The following ZFAND3 variants were observed in gnomAD, a reference collection of about 807,000 sequenced individuals.
ZFAND3 encodes the protein zinc finger AN1-type containing 3.
ZFAND3 carries 10 observed loss-of-function variants against 29.6 expected under a neutral mutation model. The ratio of observed to expected loss-of-function variants is 0.34; its 90% CI spans 0.21 to 0.57. The LOEUF (loss-of-function observed/expected upper bound fraction) is 0.57, where lower values mean the gene tolerates loss of function less well. Ranked by LOEUF, ZFAND3 falls within the 20% of genes least tolerant of loss-of-function variation. The pLI, the probability that ZFAND3 is intolerant of heterozygous loss-of-function variation, is 0.86. For missense variants in ZFAND3, 230 were observed against 304.5 expected (o/e 0.76, Z 1.82); for synonymous variants, 128 against 112.6 (o/e 1.14, Z -0.87).
chr6:38,032,400 G>A (rs1235562279), intron 2 of ZFAND3, among the ~76,000 whole-genome samples: 2 of 152,178 alleles, frequency 1.3e-5, no homozygotes, highest in African/African-American at 4.8e-5. Flanking sequence ...TTTTTGTCAA[G>A]TCTTTGAGAC....
rs143885934 is a variant in ZFAND3, at chr6:37,994,826, A to T, written c.112+64827A>T. Among the ~76,000 whole-genome samples the T allele has an allele frequency of 6.3e-3, 958 of 152,308 alleles. 6 individuals are homozygous for T. The highest frequency in any genetic ancestry group is 0.017 in the Middle Eastern group (5 of 294). ...GTGCTGTTGTGTGTTTTGTAAACAA[A>T]CATTCATCTTTAGTGGCTAGATATC... On this transcript the variant is annotated intron_variant, in intron 2 of 5. Transcript: ENST00000287218.
At chr6:38,020,354 A>C (rs948838487) in intron 2 of ZFAND3, among the ~76,000 whole-genome samples, 7 of 152,200 alleles carry the variant, frequency 4.6e-5, no homozygotes, top group African/African-American at 1.7e-4. Context: ...GATAATTAAA[A>C]ATTTTTTTTT....
intron 1 of ZFAND3, among the ~76,000 whole-genome samples, chr6:37,860,117 C>T (rs1158736900): frequency 4.0e-5 from 6 of 150,258 alleles, no homozygotes; most frequent in Admixed American, 6.6e-5. Context: ...GTGATCCACC[C>T]GCCTCGGCCT....
chr6:37,899,526 T>C (rs1462946224), intron 1 of ZFAND3, among the ~76,000 whole-genome samples: 1 of 152,200 alleles, frequency 6.6e-6, no homozygotes, highest in African/African-American at 2.4e-5. Context: ...GCTTTAATGA[T>C]CCGAAGTTAT....
Position 37,963,786 on chromosome 6 carries a change from A to G in ZFAND3, c.112+33787A>G, listed in dbSNP as rs756625299. 1.3e-4 allele frequency among the ~76,000 whole-genome samples: 20 copies of G among 152,240 alleles called. No individual in the cohort carries two copies. In the South Asian group the frequency reaches 1.5e-3, roughly 11 times the overall value. ...TCAATCTAGAATTTAAAGATGTTCT[A>G]TTGATCTAGGTGTCAAGCCCTCTTA... On this transcript the variant is annotated intron_variant, in intron 2 of 5. Coordinates refer to ENST00000287218, the MANE Select transcript of ZFAND3 (RefSeq NM_021943.3).
At chr6:37,935,783 T>A (rs952865003) in intron 2 of ZFAND3, among the ~76,000 whole-genome samples, 1 of 152,208 alleles carries the variant, frequency 6.6e-6, no homozygotes, top group Non-Finnish European at 1.5e-5. Context: ...ATAGGGAATA[T>A]TTCATTTGTG....
At chr6:38,074,846 T>C (rs6930917) in intron 3 of ZFAND3, among the ~76,000 whole-genome samples, 144,964 of 152,244 alleles carry the variant, frequency 0.95, 69,355 homozygotes, top group East Asian at 1. Flanking sequence ...TGCTTATTTA[T>C]CCTTCTGAAA....
At chr6:37,898,150 A>G (rs937272382) in intron 1 of ZFAND3, among the ~76,000 whole-genome samples, 1 of 152,152 alleles carries the variant, frequency 6.6e-6, no homozygotes, top group Non-Finnish European at 1.5e-5. Context: ...TCATTCTTCT[A>G]GTTTTATTGT....
At chr6:38,060,906 G>T (rs1171490932) in intron 2 of ZFAND3, among the ~76,000 whole-genome samples, 2 of 151,996 alleles carry the variant, frequency 1.3e-5, no homozygotes, top group Admixed American at 6.6e-5. Context: ...TGGAAAGTAG[G>T]CCTTCCATAT....
chr6:38,082,563 G>C, intron 4 of ZFAND3, 106 bp downstream of exon 4: 1 of 1,076,362 alleles, frequency 9.3e-7, no homozygotes, highest in Non-Finnish European at 1.4e-6. Context: ...GATTTCTTCC[G>C]TCAGTTGTGA....
chr6:38,013,506 C>A (rs942949700), intron 2 of ZFAND3, among the ~76,000 whole-genome samples: 1 of 152,086 alleles, frequency 6.6e-6, no homozygotes, highest in African/African-American at 2.4e-5. Flanking sequence ...ATCCTACAGC[C>A]CCAGAACAAC....
rs1581795618 is a variant in ZFAND3, at chr6:37,963,428, C to T, written c.112+33429C>T. Among the ~76,000 whole-genome samples, 4 of 152,122 alleles carry T rather than the reference C, an allele frequency of 2.6e-5. No homozygotes were observed. In the South Asian group the frequency reaches 8.3e-4, roughly 32 times the overall value. On this transcript the variant is annotated intron_variant, in intron 2 of 5. Coordinates refer to ENST00000287218, the MANE Select transcript of ZFAND3 (RefSeq NM_021943.3). ...TCAGATAAATAACAATGCATCTTAA[C>T]TAAAAAAGCAAGAGCAAACCAAACC...
chr6:38,079,169 T>C (rs1764609620), intron 3 of ZFAND3, among the ~76,000 whole-genome samples: 1 of 152,190 alleles, frequency 6.6e-6, no homozygotes, highest in Non-Finnish European at 1.5e-5. Context: ...TTAAAGTGTT[T>C]CATAGGTTGT....
intron 5 of ZFAND3, among the ~76,000 whole-genome samples, chr6:38,146,994 C>T (rs937358942): frequency 1.3e-5 from 2 of 152,086 alleles, no homozygotes; most frequent in Admixed American, 1.3e-4. Context: ...GTATATAATG[C>T]ATGTGATCAG....
intron 1 of ZFAND3, among the ~76,000 whole-genome samples, chr6:37,821,789 T>A (rs143741359): frequency 6.6e-6 from 1 of 152,254 alleles, no homozygotes; most frequent in South Asian, 2.1e-4. Flanking sequence ...GAAAGACTTA[T>A]ATCAAGGCTT....
intron 4 of ZFAND3, among the ~76,000 whole-genome samples, chr6:38,104,840 G>T (rs1196324335): frequency 6.6e-6 from 1 of 152,174 alleles, no homozygotes; most frequent in Non-Finnish European, 1.5e-5. Flanking sequence ...CCCAGAGACA[G>T]CTGGGTCTTT....
At chr6:38,088,998 C>T (rs965650323) in intron 4 of ZFAND3, among the ~76,000 whole-genome samples, 10 of 152,072 alleles carry the variant, frequency 6.6e-5, no homozygotes, top group Admixed American at 2.0e-4. Flanking sequence ...TCCCTATTTT[C>T]GGTCACCTGT....
At chr6:37,936,739 A>G (rs1761705385) in intron 2 of ZFAND3, among the ~76,000 whole-genome samples, 1 of 152,224 alleles carries the variant, frequency 6.6e-6, no homozygotes, top group Non-Finnish European at 1.5e-5. Flanking sequence ...AGATTTAAGT[A>G]TTAATGTAAT....
chr6:38,061,361 T>C (rs1007291889), intron 2 of ZFAND3, among the ~76,000 whole-genome samples: 1 of 152,230 alleles, frequency 6.6e-6, no homozygotes, highest in African/African-American at 2.4e-5. Flanking sequence ...TTAAAATCAG[T>C]ATGTTTGCAT....
Sources: gnomAD v4.1 joint callset for allele counts (sites outside exome capture counted in the v4.1 genomes callset) on GRCh38, gnomAD v4.1.1 for gene constraint, MANE v1.5 for transcripts, NCBI Gene and HGNC (gene_info 2026-07-23, HGNC 2026-07-21) for gene names.